ADGRB3: variants seen among roughly 807,000 people sequenced by gnomAD.
ADGRB3 encodes adhesion G protein-coupled receptor B3.
ADGRB3 carries 37 observed loss-of-function variants against 193.4 expected under a neutral mutation model. That is an observed-to-expected ratio of 0.19 (90% confidence interval 0.15 to 0.25). The LOEUF is 0.25. Ranked by LOEUF, ADGRB3 falls within the 10% of genes least tolerant of loss-of-function variation. The pLI is 1.00. For missense variants in ADGRB3, 1,637 were observed against 1,852.9 expected, an observed-to-expected ratio of 0.88 and a Z score of 2.14; for synonymous variants, 690 against 644.2, an observed-to-expected ratio of 1.07 and a Z score of -1.08.
Position 68,682,655 on chromosome 6 carries a change from A to G in ADGRB3, c.757+43223A>G, listed in dbSNP as rs572207100. Among the ~76,000 whole-genome samples the G allele has an allele frequency of 1.4e-4, 22 of 152,348 alleles. No individual in the cohort carries two copies. In the South Asian group the frequency reaches 4.1e-3, roughly 29 times the overall value. On this transcript the variant is annotated intron_variant, in intron 3 of 31. Coordinates refer to ENST00000370598, the MANE Select transcript of ADGRB3 (RefSeq NM_001704.3). ...TTTATCATGAAAGTCAAAGGAAGGG[A>G]CCATAATGAAATAACTATATTTGAC... is the stretch of plus-strand genomic sequence containing the variant.
intron 3 of ADGRB3, among the ~76,000 whole-genome samples, chr6:68,881,981 T>C (rs1217122302): frequency 3.9e-5 from 6 of 152,188 alleles, no homozygotes; most frequent in African/African-American, 1.4e-4. Context: ...CCATTCCTAA[T>C]TGCTTATGTG....
intron 17 of ADGRB3, among the ~76,000 whole-genome samples, chr6:69,120,516 A>C (rs1269138031): frequency 6.6e-6 from 1 of 152,230 alleles, no homozygotes; most frequent in Non-Finnish European, 1.5e-5. Context: ...TGGTTTCTCT[A>C]TCTGAGCCTT....
At chr6:68,808,043 A>G (rs949678976) in intron 3 of ADGRB3, among the ~76,000 whole-genome samples, 17 of 152,230 alleles carry the variant, frequency 1.1e-4, no homozygotes, top group Non-Finnish European at 2.1e-4. Context: ...TTGTAAAATT[A>G]GTTCAATAGG....
intron 3 of ADGRB3, among the ~76,000 whole-genome samples, chr6:68,773,678 G>A (rs1050222729): frequency 1.3e-5 from 2 of 152,168 alleles, no homozygotes; most frequent in East Asian, 1.9e-4. Flanking sequence ...GTTGTGGAAA[G>A]TACATTGTGC....
chr6:68,899,538 G>A (rs1242815896), intron 3 of ADGRB3, among the ~76,000 whole-genome samples: 3 of 148,368 alleles, frequency 2.0e-5, no homozygotes, highest in Non-Finnish European at 4.4e-5. Flanking sequence ...GAGAATATGT[G>A]GTGTTTGGTT....
intron 27 of ADGRB3, among the ~76,000 whole-genome samples, chr6:69,355,536 CCTT>C (rs1263965242): frequency 1.3e-5 from 2 of 152,120 alleles, no homozygotes; most frequent in Non-Finnish European, 2.9e-5. Context: ...AAAATTCTAT[CCTT>C]CTAATATATA....
intron 29 of ADGRB3, among the ~76,000 whole-genome samples, chr6:69,366,964 A>T (rs1562000872): frequency 1.3e-5 from 2 of 152,150 alleles, no homozygotes; most frequent in South Asian, 4.1e-4. Context: ...GCAGAGACAG[A>T]CAACCATTAA....
chr6:68,674,323 G>A (rs2746127), intron 3 of ADGRB3, among the ~76,000 whole-genome samples: 57,865 of 151,836 alleles, frequency 0.38, 11,590 homozygotes, highest in East Asian at 0.59. Flanking sequence ...ATTTTAGACG[G>A]CATGAAACAT....
intron 10 of ADGRB3, among the ~76,000 whole-genome samples, chr6:68,990,540 G>T (rs763666331): frequency 7.9e-5 from 12 of 152,082 alleles, no homozygotes; most frequent in Non-Finnish European, 1.6e-4. Context: ...CTGTCAGATG[G>T]CAATGACGTT....
At chr6:68,724,564 A>T (rs1305957252) in intron 3 of ADGRB3, among the ~76,000 whole-genome samples, 1 of 151,674 alleles carries the variant, frequency 6.6e-6, no homozygotes, top group Admixed American at 6.6e-5. Context: ...ATAAAATTTT[A>T]ATCTGAATTC....
chr6:68,675,513 T>C (rs1357991181), intron 3 of ADGRB3, among the ~76,000 whole-genome samples: 1 of 151,920 alleles, frequency 6.6e-6, no homozygotes, highest in Non-Finnish European at 1.5e-5. Flanking sequence ...AAAAATAAAA[T>C]TGAAATCAAC....
chr6:69,247,440 C>G (rs1023354722), intron 20 of ADGRB3, among the ~76,000 whole-genome samples: 1 of 152,148 alleles, frequency 6.6e-6, no homozygotes, highest in South Asian at 2.1e-4. Flanking sequence ...TCCTAGGGAC[C>G]GTGTCTGTGT....
intron 17 of ADGRB3, among the ~76,000 whole-genome samples, chr6:69,100,250 C>T (rs572782521): frequency 6.6e-6 from 1 of 152,112 alleles, no homozygotes; most frequent in Non-Finnish European, 1.5e-5. Flanking sequence ...TATATATTCA[C>T]GCTTTCTATT....
At chr6:68,647,271 A>G (rs549401164) in intron 3 of ADGRB3, among the ~76,000 whole-genome samples, 19 of 152,258 alleles carry the variant, frequency 1.2e-4, no homozygotes, top group African/African-American at 4.6e-4. Context: ...TACACTTGAA[A>G]CAGTTATAAT....
chr6:68,742,014 C>G (rs1010570576), intron 3 of ADGRB3, among the ~76,000 whole-genome samples: 4 of 152,156 alleles, frequency 2.6e-5, no homozygotes, highest in Non-Finnish European at 4.4e-5. Flanking sequence ...ACTGAATGTT[C>G]ATATATCTTT....
chr6:69,173,606 T>A (rs1775346104), intron 17 of ADGRB3, among the ~76,000 whole-genome samples: 1 of 152,006 alleles, frequency 6.6e-6, no homozygotes, highest in African/African-American at 2.4e-5. Context: ...AGGCATTGGG[T>A]AAATGGAAAG....
chr6:69,000,577 G>A (rs1361811542), intron 11 of ADGRB3, among the ~76,000 whole-genome samples: 1 of 152,138 alleles, frequency 6.6e-6, no homozygotes, highest in African/African-American at 2.4e-5. Context: ...ATTTTAAGCA[G>A]TGAAATCAAC....
intron 17 of ADGRB3, among the ~76,000 whole-genome samples, chr6:69,117,802 C>T (rs73467756): frequency 0.013 from 1,950 of 152,260 alleles, 49 homozygotes; most frequent in African/African-American, 0.042. Flanking sequence ...GAGCTTATTA[C>T]ACAGTGGTCT....
intron 30 of ADGRB3, among the ~76,000 whole-genome samples, chr6:69,373,213 A>G (rs1769742583): frequency 6.6e-6 from 1 of 152,010 alleles, no homozygotes; most frequent in Non-Finnish European, 1.5e-5. Context: ...TTTCTCCAGT[A>G]TATTTGTACC....
Sources: gnomAD v4.1 joint callset for allele counts (sites outside exome capture counted in the v4.1 genomes callset) on GRCh38, gnomAD v4.1.1 for gene constraint, MANE v1.5 for transcripts, NCBI Gene and HGNC (gene_info 2026-07-23, HGNC 2026-07-21) for gene names.